IMMP2L: variants seen among roughly 807,000 people sequenced by gnomAD.
IMMP2L encodes mitochondrial inner membrane protease subunit 2.
A neutral mutation model predicts 19.3 loss-of-function variants in IMMP2L; 18 were observed. The observed-to-expected ratio is 0.93, with a 90% CI of 0.64 to 1.38. IMMP2L has a LOEUF of 1.38. Among genes scored for constraint, IMMP2L ranks in the 40% most tolerant of loss-of-function variants. The pLI is 0.00. For missense variants in IMMP2L, 233 were observed against 218.2 expected, an observed-to-expected ratio of 1.07 and a Z score of -0.43; for synonymous variants, 76 against 73.0, an observed-to-expected ratio of 1.04 and a Z score of -0.21.
At chr7:110,695,633 A>G (rs941113147) in intron 5 of IMMP2L, among the ~76,000 whole-genome samples, 2 of 152,146 alleles carry the variant, frequency 1.3e-5, no homozygotes, top group Non-Finnish European at 2.9e-5. Context: ...GGAAGGGGAG[A>G]GTAGAGGAGG....
At chr7:111,115,308 T>C (rs752397858) in intron 3 of IMMP2L, among the ~76,000 whole-genome samples, 1 of 152,186 alleles carries the variant, frequency 6.6e-6, no homozygotes, top group African/African-American at 2.4e-5. Context: ...GACTTAAAAT[T>C]ATCATTTGTT....
chr7:110,697,160 C>A (rs916338902), intron 5 of IMMP2L, among the ~76,000 whole-genome samples: 3 of 152,106 alleles, frequency 2.0e-5, no homozygotes, highest in African/African-American at 7.2e-5. Flanking sequence ...ATCAGGGAAG[C>A]GTTTTGACAT....
intron 3 of IMMP2L, among the ~76,000 whole-genome samples, chr7:111,331,514 C>CAAT (rs1235724235): frequency 6.6e-6 from 1 of 151,474 alleles, no homozygotes; most frequent in East Asian, 1.9e-4. Flanking sequence ...TGATTATAGT[C>CAAT]AATAATAGAG....
At chr7:110,739,380 T>C (rs1346907706) in intron 5 of IMMP2L, among the ~76,000 whole-genome samples, 1 of 152,116 alleles carries the variant, frequency 6.6e-6, no homozygotes, top group Non-Finnish European at 1.5e-5. Flanking sequence ...AGACATTCCA[T>C]GCAAATGGAC....
intron 3 of IMMP2L, among the ~76,000 whole-genome samples, chr7:111,291,171 G>A (rs75678276): frequency 1.3e-5 from 2 of 152,106 alleles, no homozygotes; most frequent in Non-Finnish European, 2.9e-5. Context: ...GAAAGACACA[G>A]ATAGTATCTT....
chr7:110,688,274 G>T (rs1298467110), intron 5 of IMMP2L, among the ~76,000 whole-genome samples: 1 of 152,002 alleles, frequency 6.6e-6, no homozygotes, highest in East Asian at 1.9e-4. Flanking sequence ...GGTGTAGCTT[G>T]TTACTTAGAA....
intron 3 of IMMP2L, among the ~76,000 whole-genome samples, chr7:111,416,360 T>C (rs1834956056): frequency 6.6e-6 from 1 of 151,896 alleles, no homozygotes; most frequent in Non-Finnish European, 1.5e-5. Flanking sequence ...GCATGCTTTC[T>C]GTTTTTCTAT....
At chr7:111,330,671 T>A (rs1028319220) in intron 3 of IMMP2L, among the ~76,000 whole-genome samples, 5 of 151,826 alleles carry the variant, frequency 3.3e-5, no homozygotes, top group Non-Finnish European at 5.9e-5. Flanking sequence ...AAAATAAGAT[T>A]CATATCCAAC....
chr7:111,217,069 A>G (rs889369204), intron 3 of IMMP2L, among the ~76,000 whole-genome samples: 1 of 146,854 alleles, frequency 6.8e-6, no homozygotes. Context: ...GACATTCCTC[A>G]TCTTCTGATC....
At chr7:111,465,366 AGAC>A (rs1311219361) in intron 3 of IMMP2L, among the ~76,000 whole-genome samples, 4 of 152,008 alleles carry the variant, frequency 2.6e-5, no homozygotes, top group Non-Finnish European at 5.9e-5. Flanking sequence ...GGCTTTTAAA[AGAC>A]AGTTTTCAAA....
At position 111,318,789 on chromosome 7, in the gene IMMP2L, T is replaced by G. The variant is rs143476677; in HGVS notation, c.239+168449A>C. ...AATATTTTAGATACTAAATTAGGAC[T>G]ATTACATAATTGGTATTATCTATAT... On this transcript the variant is annotated intron_variant, in intron 3 of 5. Coordinates refer to ENST00000405709, the MANE Select transcript of IMMP2L (RefSeq NM_032549.4). 2.6e-3 allele frequency among the ~76,000 whole-genome samples: 397 copies of G among 152,266 alleles called. 2 individuals are homozygous for G. The highest frequency in any genetic ancestry group is 9.1e-3 in the African/African-American group (377 of 41,548).
chr7:111,527,422 A>AGGGG (rs34300115), intron 1 of IMMP2L, among the ~76,000 whole-genome samples: 11 of 106,218 alleles, frequency 1.0e-4, no homozygotes, highest in Admixed American at 4.1e-4. Flanking sequence ...GTCTCCAAAA[A>AGGGG]GGGGGGGGGG....
At chr7:111,054,140 C>T (rs1434330908) in intron 3 of IMMP2L, among the ~76,000 whole-genome samples, 1 of 152,036 alleles carries the variant, frequency 6.6e-6, no homozygotes, top group Non-Finnish European at 1.5e-5. Context: ...TAAGAGTGTA[C>T]TTAAAAGATT....
chr7:110,753,751 GGGGTGTGTGTGT>G (rs1486370511), intron 5 of IMMP2L, among the ~76,000 whole-genome samples: 3 of 86,944 alleles, frequency 3.5e-5, no homozygotes, highest in Non-Finnish European at 5.9e-5. Context: ...GTGTGAGTGT[GGGGTGTGTGTGT>G]GTGTGTGTGT....
intron 3 of IMMP2L, among the ~76,000 whole-genome samples, chr7:111,072,258 T>A (rs145254337): frequency 1.3e-5 from 2 of 152,324 alleles, no homozygotes; most frequent in African/African-American, 4.8e-5. Context: ...GCAAGAATCA[T>A]TGGTGACTGC....
intron 5 of IMMP2L, among the ~76,000 whole-genome samples, chr7:110,842,951 G>A (rs1458852227): frequency 6.6e-6 from 1 of 152,100 alleles, no homozygotes; most frequent in African/African-American, 2.4e-5. Context: ...AATTTAAGAT[G>A]TCTTAATTAG....
At position 111,155,451 on chromosome 7, in the gene IMMP2L, T is replaced by G. The variant is rs555458641; in HGVS notation, c.240-191886A>C. The stretch of plus-strand genomic sequence containing the variant: ...CTTCTCTGGGTAGGCATTTTCCTTC[T>G]TGGAATAAATAAATTGGAACATTAG... On this transcript the variant is annotated intron_variant, in intron 3 of 5. Transcript: ENST00000405709. 1.4e-4 allele frequency among the ~76,000 whole-genome samples: 22 copies of G among 152,244 alleles called. No homozygotes were observed. In the South Asian group the frequency reaches 3.5e-3, roughly 24 times the overall value.
chr7:111,343,400 C>T (rs926197429), intron 3 of IMMP2L, among the ~76,000 whole-genome samples: 11 of 152,048 alleles, frequency 7.2e-5, no homozygotes, highest in Admixed American at 5.9e-4. Context: ...CAGATTCTGG[C>T]TCTAATCACA....
intron 3 of IMMP2L, among the ~76,000 whole-genome samples, chr7:111,060,512 C>T (rs372192238): frequency 6.6e-6 from 1 of 152,116 alleles, no homozygotes; most frequent in Non-Finnish European, 1.5e-5. Context: ...AGCACCATAG[C>T]GGGGCTCAGA....
Sources: gnomAD v4.1 joint callset for allele counts (sites outside exome capture counted in the v4.1 genomes callset) on GRCh38, gnomAD v4.1.1 for gene constraint, MANE v1.5 for transcripts, NCBI Gene and HGNC (gene_info 2026-07-23, HGNC 2026-07-21) for gene names.